UBA5: variants seen among roughly 807,000 people sequenced by gnomAD.
UBA5 encodes the protein ubiquitin like modifier activating enzyme 5.
A neutral mutation model predicts 52.9 loss-of-function variants in UBA5; 28 were observed. The observed-to-expected ratio is 0.53, with a 90% CI of 0.39 to 0.73. UBA5 has a LOEUF of 0.73. UBA5 is among the 30% of genes least tolerant of loss of function. The pLI is 0.00. For missense variants in UBA5, 388 were observed against 492.7 expected (o/e 0.79, Z 2.01); for synonymous variants, 135 against 162.1 (o/e 0.83, Z 1.27).
chr3:132,663,084 A>T (rs1265692700), intron 1 of UBA5, among the ~76,000 whole-genome samples: 1 of 152,188 alleles, frequency 6.6e-6, no homozygotes, highest in Non-Finnish European at 1.5e-5. Context: ...TATAGTAACA[A>T]TTTGGAAACT....
At chr3:132,656,035 G>T (rs987097842), upstream of UBA5, among the ~76,000 whole-genome samples, 1 of 152,120 alleles carries the variant, frequency 6.6e-6, no homozygotes, top group Admixed American at 6.5e-5. Context: ...AACCCTGTAT[G>T]TCCTTCCCCT....
At chr3:132,671,753 A>C in intron 6 of UBA5, 24 bp from the exon 7 acceptor site, 1 of 1,551,264 alleles carries the variant, frequency 6.4e-7, no homozygotes. Flanking sequence ...TTTTTTCCTT[A>C]TGTTTTCACC....
intron 4 of UBA5, 124 bp from the exon 5 acceptor site, chr3:132,670,074 G>T (rs1938537915): frequency 3.4e-6 from 2 of 589,810 alleles, no homozygotes; most frequent in Non-Finnish European, 3.0e-6. Flanking sequence ...CCCAGGTTGG[G>T]GTGCAGTGGG....
Position 132,675,340 on chromosome 3 carries a change from AGT to A in UBA5, c.909_910del (p.Cys303Ter). The A allele has an allele frequency of 6.2e-7, 1 of 1,613,752 alleles. No individual in the cohort carries two copies. Among genetic ancestry groups the A allele is most frequent in the Non-Finnish European group, 8.5e-7 (1 of 1,179,822 alleles). ...ACTATGTCCATGAAGCCAAATCCTC[AGT>A]GTGATGACAGAAATTGCAGGAAGCA... On this transcript the variant is annotated frameshift_variant, in exon 9 of 12. Coordinates refer to ENST00000356232, the MANE Select transcript of UBA5 (RefSeq NM_024818.6). LOFTEE classifies it high-confidence loss of function.
chr3:132,666,496 ACT>A (rs1938384578), intron 3 of UBA5, among the ~76,000 whole-genome samples: 1 of 152,064 alleles, frequency 6.6e-6, no homozygotes, highest in Admixed American at 6.6e-5. Context: ...AAAAATTGGT[ACT>A]CTTTTACTTT....
Position 132,676,920 on chromosome 3 carries a change from GAGA to G in UBA5, c.*397_*399del. On this transcript the variant is annotated 3_prime_UTR_variant, in exon 12 of 12. Transcript: ENST00000356232. The surrounding 1 kb of genome is among the most constrained non-coding windows in gnomAD (Gnocchi z 4.1). The stretch of plus-strand genomic sequence containing the variant: ...GTAGTATATGATCCTCAGATACAGG[GAGA>G]AGGACAAGGCATACAGCTTATTGAT... 1 of 456,096 alleles carries G rather than the reference GAGA, an allele frequency of 2.2e-6. No individual in the cohort carries two copies. The highest frequency in any genetic ancestry group is 3.3e-4 in the Middle Eastern group (1 of 3,074). The allele number at this position is 456,096 out of a possible 1,614,324, so 28.3% of individuals were successfully genotyped here.
At position 132,677,221 on chromosome 3, in the gene UBA5, T is replaced by G. The variant is rs912249198; in HGVS notation, c.*695T>G. 1.3e-4 allele frequency: 25 copies of G among 190,082 alleles called. No individual in the cohort carries two copies. The highest frequency in any genetic ancestry group is 2.6e-4 in the Non-Finnish European group (23 of 89,658). 11.8% of individuals were successfully genotyped at this position (190,082 alleles called of 1,614,324 possible). The stretch of plus-strand genomic sequence containing the variant: ...TGATTTCAGGAAGTATAAATTATAT[T>G]CTGCACCGAACAAGGAACAGAAATT... On this transcript the variant is annotated 3_prime_UTR_variant, in exon 12 of 12. Coordinates refer to ENST00000356232, the MANE Select transcript of UBA5 (RefSeq NM_024818.6).
At chr3:132,667,860 C>A (rs1346160163) in intron 3 of UBA5, 2 of 152,092 alleles carry the variant, frequency 1.3e-5, no homozygotes, top group Non-Finnish European at 1.5e-5. Flanking sequence ...CTTGGCCTGA[C>A]CTAATAAATA....
At chr3:132,663,407 C>G (rs1313225645) in intron 1 of UBA5, among the ~76,000 whole-genome samples, 1 of 152,070 alleles carries the variant, frequency 6.6e-6, no homozygotes, top group Non-Finnish European at 1.5e-5. Context: ...GTCTTTGTAC[C>G]TGAAGGAAGG....
At position 132,677,093 on chromosome 3, in the gene UBA5, G is replaced by A. The variant is rs546546615; in HGVS notation, c.*567G>A. On this transcript the variant is annotated 3_prime_UTR_variant, in exon 12 of 12. Coordinates refer to ENST00000356232, the MANE Select transcript of UBA5 (RefSeq NM_024818.6). Reference sequence around the variant, plus strand: ...TCAAATGTTTGCTGATGAAGTACAAGTTGAAATGTAGTTATTGGAAAAGTC... The same window carrying A: ...TCAAATGTTTGCTGATGAAGTACAAATTGAAATGTAGTTATTGGAAAAGTC... 1.9e-4 allele frequency: 49 copies of A among 262,284 alleles called. 1 individual carries two copies. In the South Asian group the frequency reaches 2.1e-3, roughly 11 times the overall value. 16.2% of individuals were successfully genotyped at this position (262,284 alleles called of 1,614,324 possible).
intron 1 of UBA5, among the ~76,000 whole-genome samples, chr3:132,662,189 G>C (rs1007439777): frequency 2.0e-5 from 3 of 152,136 alleles, no homozygotes; most frequent in African/African-American, 7.2e-5. Flanking sequence ...TTGCACCATT[G>C]ACTTTATTAA....
upstream of UBA5, among the ~76,000 whole-genome samples, chr3:132,656,495 A>AT (rs34116314): frequency 0.36 from 51,987 of 145,704 alleles, 11,845 homozygotes; most frequent in East Asian, 0.7. Context: ...ATATTGTCAG[A>AT]TTTTTTTTTT....
chr3:132,673,120 C>T (rs1043683085), intron 8 of UBA5, among the ~76,000 whole-genome samples: 18 of 152,014 alleles, frequency 1.2e-4, no homozygotes, highest in African/African-American at 4.1e-4. Flanking sequence ...CATATAAGAG[C>T]AAATAGCCTG....
At chr3:132,671,250 A>C (rs924553264) in intron 6 of UBA5, among the ~76,000 whole-genome samples, 27 of 152,322 alleles carry the variant, frequency 1.8e-4, no homozygotes, top group African/African-American at 6.3e-4. Context: ...CTGCTGTGAC[A>C]TGTGTTACAG....
At chr3:132,670,330 T>G in intron 5 of UBA5, 46 bp downstream of exon 5, 1 of 778,376 alleles carries the variant, frequency 1.3e-6, no homozygotes, top group Non-Finnish European at 2.0e-6. Context: ...CCAGCTCAAG[T>G]ATTAGAAAAT....
chr3:132,674,409 C>T (rs866228663), intron 8 of UBA5, among the ~76,000 whole-genome samples: 6 of 152,098 alleles, frequency 3.9e-5, no homozygotes, highest in East Asian at 3.9e-4. Flanking sequence ...TCAGATTGGC[C>T]GGGTGCAGTG....
Position 132,675,322 on chromosome 3 carries a change from C to T in UBA5, c.887C>T (p.Ser296Phe). ...ATGCAGGATTTTTTTCCTACTATGT[C>T]CATGAAGCCAAATCCTCAGTGTGAT... ...NAMQDFFPTMSMKPNPQCDDR... is the reference protein window; with the variant it reads ...NAMQDFFPTMFMKPNPQCDDR... Residue 296 changes from serine (S) to phenylalanine (F), a missense_variant, in exon 9 of 12, where the codon TCC becomes TTC. Ser to Phe is a radical substitution (Grantham distance 155, BLOSUM62 -2). Coordinates refer to ENST00000356232, the MANE Select transcript of UBA5 (RefSeq NM_024818.6). 1 of 1,613,378 alleles carries T rather than the reference C, an allele frequency of 6.2e-7. No individual in the cohort carries two copies. Among genetic ancestry groups the T allele is most frequent in the South Asian group, 1.1e-5 (1 of 91,044 alleles).
At chr3:132,672,014 T>C (rs1035334349) in intron 7 of UBA5, 36 bp from the exon 8 acceptor site, 2 of 1,609,088 alleles carry the variant, frequency 1.2e-6, no homozygotes, top group African/African-American at 2.7e-5. Context: ...ATACTTTTTC[T>C]CTTTTTTTTT....
In UBA5 at chr3:132,668,818, T is replaced by C. The variant is rs1174868799; in HGVS notation, c.298T>C (p.Leu100=). Residue 100 remains leucine, a splice_region_variant and synonymous_variant, in exon 4 of 12, where the codon TTG becomes CTG. Coordinates refer to ENST00000356232, the MANE Select transcript of UBA5 (RefSeq NM_024818.6). The part of the protein sequence containing the change: ...EMLTRCGIGK[L]LLFDYDKVEL... ...CAGAATACCACTATTTTCATTTTAG[T>C]TGCTACTCTTTGATTATGACAAGGT... 6.3e-7 allele frequency: 1 copy of C among 1,587,230 alleles called. No homozygotes were observed. The highest frequency in any genetic ancestry group is 2.2e-5 in the East Asian group (1 of 44,586).
Sources: allele counts gnomAD v4.1 joint callset (sites outside exome capture counted in the v4.1 genomes callset), GRCh38; gene constraint gnomAD v4.1.1; non-coding constraint Gnocchi (gnomAD v3.1); transcripts MANE v1.5; gene names NCBI Gene and HGNC (gene_info 2026-07-23, HGNC 2026-07-21).